ZNF821: variants seen among roughly 807,000 people sequenced by gnomAD.
The protein encoded by ZNF821 is zinc finger protein 821.
In ZNF821, 16 loss-of-function variants were observed where a neutral mutation model predicts 44.3. The observed-to-expected ratio is 0.36, with a 90% CI of 0.24 to 0.55. ZNF821 has a LOEUF of 0.55. Ranked by LOEUF, ZNF821 falls within the 20% of genes least tolerant of loss-of-function variation. The pLI is 0.86. For missense variants in ZNF821, 436 were observed against 547.6 expected, an observed-to-expected ratio of 0.80 and a Z score of 2.03; for synonymous variants, 204 against 197.6, an observed-to-expected ratio of 1.03 and a Z score of -0.27.
chr16:71,888,017 C>A (rs1288369151), upstream of ZNF821, among the ~76,000 whole-genome samples: 2 of 151,926 alleles, frequency 1.3e-5, no homozygotes, highest in African/African-American at 4.8e-5. Context: ...CATGCCCTTA[C>A]AGGCACACGC....
Position 71,864,173 on chromosome 16 carries a change from C to T in ZNF821, c.382G>A (p.Gly128Arg), listed in dbSNP as rs758889900. The change falls in exon 6 of 8, where the codon GGG becomes AGG. Residue 128 changes from glycine to arginine, a missense_variant. Gly to Arg is a moderately radical substitution (Grantham distance 125). This residue lies in a region of ZNF821 where 238 missense variants were observed against 281.4 expected (regional missense o/e 0.85). Transcript: ENST00000425432. ...CQCPLCQLDC[G>R]SREQLIAHVY... ...TGAGCAATCAACTGCTCCCGGCTCC[C>T]GCAGTCTAGCTGGCAGAGGGGACAC... 26 of 1,614,086 alleles carry T rather than the reference C, an allele frequency of 1.6e-5. No individual in the cohort carries two copies. The highest frequency in any genetic ancestry group is 4.0e-5 in the African/African-American group (3 of 74,938).
At chr16:71,870,041 A>C (rs957085520) in intron 3 of ZNF821, among the ~76,000 whole-genome samples, 7 of 152,208 alleles carry the variant, frequency 4.6e-5, no homozygotes, top group Non-Finnish European at 1.0e-4. Context: ...CTGTGTGAGA[A>C]CGGCTCTGAT....
intron 1 of ZNF821, chr16:71,883,707 C>G (rs924798732): frequency 6.6e-6 from 1 of 152,284 alleles, no homozygotes; most frequent in African/African-American, 2.4e-5. Context: ...CCGAGAGCGC[C>G]AAGGGGCAGC....
chr16:71,886,264 G>A (rs1037316488), upstream of ZNF821, among the ~76,000 whole-genome samples: 3 of 152,174 alleles, frequency 2.0e-5, no homozygotes, highest in Admixed American at 6.5e-5. Context: ...GTTAGGCATG[G>A]TGGCTGGCAC....
intron 3 of ZNF821, among the ~76,000 whole-genome samples, chr16:71,875,263 T>C (rs186343047): frequency 1.3e-5 from 2 of 152,272 alleles, no homozygotes; most frequent in East Asian, 1.9e-4. Context: ...CTCCATGGCC[T>C]GTTTTTCCAT....
chr16:71,884,271 G>C (rs1442288457), upstream of ZNF821: 1 of 151,988 alleles, frequency 6.6e-6, no homozygotes, highest in Non-Finnish European at 1.5e-5. Context: ...GCGCGCGCCT[G>C]GCGTTGTGGG....
chr16:71,884,356 C>T (rs1481026897), upstream of ZNF821, among the ~76,000 whole-genome samples: 1 of 152,032 alleles, frequency 6.6e-6, no homozygotes, highest in Non-Finnish European at 1.5e-5. Flanking sequence ...GAGAGGGGCT[C>T]GCCCGCGTTC....
chr16:71,868,759 TGA>T (rs1028251731), intron 3 of ZNF821, among the ~76,000 whole-genome samples: 2 of 152,074 alleles, frequency 1.3e-5, no homozygotes, highest in Non-Finnish European at 2.9e-5. Context: ...TTTTTTTTTT[TGA>T]GAGAGAGTCT....
intron 2 of ZNF821, 66 bp from the exon 3 acceptor site, chr16:71,880,089 T>C (rs2036267980): frequency 4.2e-6 from 3 of 713,260 alleles, no homozygotes; most frequent in East Asian, 5.6e-5. Flanking sequence ...AATTTAAAGA[T>C]AAAATGTCCT....
At chr16:71,867,081 A>G (rs759827557) in intron 4 of ZNF821, among the ~76,000 whole-genome samples, 3 of 152,240 alleles carry the variant, frequency 2.0e-5, no homozygotes, top group Non-Finnish European at 2.9e-5. Context: ...TCGTAACCAC[A>G]GGGATCTTCT....
At chr16:71,892,753 A>G (rs1305754215) in intron 1 of ZNF821, among the ~76,000 whole-genome samples, 2 of 133,680 alleles carry the variant, frequency 1.5e-5, no homozygotes, top group Admixed American at 7.7e-5. Flanking sequence ...TTTTTTTGAG[A>G]CAGAGTCTTG....
Position 71,879,970 on chromosome 16 carries a change from G to T in ZNF821, c.-24C>A. Reference sequence around the variant, plus strand: ...ATGTTTCCCTGATGCAAGAGCTCTGGTCTTTCCCAGTTTCACGACTGGATA... The same window carrying T: ...ATGTTTCCCTGATGCAAGAGCTCTGTTCTTTCCCAGTTTCACGACTGGATA... On this transcript the variant is annotated 5_prime_UTR_variant, in exon 3 of 8. Coordinates refer to ENST00000425432, the MANE Select transcript of ZNF821 (RefSeq NM_001201552.2). 1 of 1,610,858 alleles carries T rather than the reference G, an allele frequency of 6.2e-7. No homozygotes were observed. The highest frequency in any genetic ancestry group is 8.5e-7 in the Non-Finnish European group (1 of 1,178,666).
At chr16:71,869,489 G>A (rs766153163) in intron 3 of ZNF821, among the ~76,000 whole-genome samples, 1 of 152,142 alleles carries the variant, frequency 6.6e-6, no homozygotes, top group South Asian at 2.1e-4. Context: ...GCAAGCTCCA[G>A]GCTCTATGGT....
At chr16:71,876,837 G>A (rs139622649) in intron 3 of ZNF821, among the ~76,000 whole-genome samples, 1 of 151,876 alleles carries the variant, frequency 6.6e-6, no homozygotes, top group Non-Finnish European at 1.5e-5. Flanking sequence ...CAAACTCCTG[G>A]CCTCAAGTTA....
chr16:71,881,458 C>G (rs1456416503), intron 2 of ZNF821: 1 of 152,150 alleles, frequency 6.6e-6, no homozygotes, highest in Admixed American at 6.5e-5. Context: ...CAAAACAAAA[C>G]AAAACTCTAA....
exon 1 of ZNF821, chr16:71,894,928 A>C: frequency 9.2e-7 from 1 of 1,084,216 alleles, no homozygotes; most frequent in Non-Finnish European, 1.4e-6. Context: ...TGTGGTGCTG[A>C]GGAAACACTA....
At chr16:71,891,061 A>C (rs543824584) in intron 1 of ZNF821, among the ~76,000 whole-genome samples, 20 of 151,040 alleles carry the variant, frequency 1.3e-4, no homozygotes, top group Admixed American at 1.1e-3. Flanking sequence ...GGCGTGAGCC[A>C]CCGCGCCCAG....
upstream of ZNF821, chr16:71,885,427 T>C (rs1464908620): frequency 6.6e-6 from 1 of 152,388 alleles, no homozygotes; most frequent in East Asian, 1.9e-4. Flanking sequence ...GTCAAATGGA[T>C]AATGATGCAA....
intron 1 of ZNF821, among the ~76,000 whole-genome samples, chr16:71,891,866 G>A (rs1472376667): frequency 2.0e-5 from 3 of 151,896 alleles, no homozygotes; most frequent in Non-Finnish European, 4.4e-5. Context: ...AGGCGTGGTG[G>A]TGCAGGCCTG....
Sources: gnomAD v4.1 joint callset for allele counts (sites outside exome capture counted in the v4.1 genomes callset) on GRCh38, gnomAD v4.1.1 for gene constraint, gnomAD v4.1.1 regional missense constraint, MANE v1.5 for transcripts, NCBI Gene and HGNC (gene_info 2026-07-23, HGNC 2026-07-21) for gene names.